EPDR1: variants seen among roughly 807,000 people sequenced by gnomAD.
EPDR1 encodes mammalian ependymin-related protein 1.
In EPDR1, 27 loss-of-function variants were observed where a neutral mutation model predicts 23.7. The observed-to-expected ratio is 1.14, with a 90% CI of 0.84 to 1.57. EPDR1 has a LOEUF of 1.57. Among genes scored for constraint, EPDR1 ranks in the 40% most tolerant of loss-of-function variants. The pLI, the probability that EPDR1 is intolerant of heterozygous loss-of-function variation, is 0.00. For synonymous variants in EPDR1, 137 were observed against 118.2 expected, an observed-to-expected ratio of 1.16 and a Z score of -1.03; for missense variants, 349 against 290.4, an observed-to-expected ratio of 1.20 and a Z score of -1.47.
chr7:37,940,572 G>A (rs1487874616), intron 1 of EPDR1, among the ~76,000 whole-genome samples: 1 of 152,014 alleles, frequency 6.6e-6, no homozygotes, highest in East Asian at 1.9e-4. Context: ...AAGGATAAGA[G>A]GAACTACAAT....
chr7:37,927,855 T>C (rs1785849824), intron 1 of EPDR1, among the ~76,000 whole-genome samples: 1 of 152,232 alleles, frequency 6.6e-6, no homozygotes, highest in African/African-American at 2.4e-5. Context: ...TATTCTTTTG[T>C]GAGCTGAGGA....
chr7:37,941,123 A>C (rs1223069193), intron 1 of EPDR1, among the ~76,000 whole-genome samples: 1 of 152,218 alleles, frequency 6.6e-6, no homozygotes, highest in East Asian at 1.9e-4. Context: ...AATGACTTTA[A>C]TTGTTTGTCA....
intron 1 of EPDR1, among the ~76,000 whole-genome samples, chr7:37,936,415 G>T (rs1786054951): frequency 6.6e-6 from 1 of 151,958 alleles, no homozygotes; most frequent in Non-Finnish European, 1.5e-5. Context: ...CAGGAAGAAG[G>T]CAAGGATGCC....
At chr7:37,945,626 A>T (rs1272393727) in intron 1 of EPDR1, among the ~76,000 whole-genome samples, 1 of 152,134 alleles carries the variant, frequency 6.6e-6, no homozygotes, top group African/African-American at 2.4e-5. Flanking sequence ...TGCATTACTC[A>T]CATGTCTGGG....
At chr7:37,948,342 A>ATTTTT (rs56967310) in intron 1 of EPDR1, among the ~76,000 whole-genome samples, 1 of 135,608 alleles carries the variant, frequency 7.4e-6, no homozygotes. Flanking sequence ...TTTGACCTCA[A>ATTTTT]TTTTTTTTTT....
chr7:37,946,270 T>A (rs1786272949), intron 1 of EPDR1, among the ~76,000 whole-genome samples: 1 of 152,218 alleles, frequency 6.6e-6, no homozygotes, highest in South Asian at 2.1e-4. Context: ...GGTGGGTTGA[T>A]GGTATTTCTG....
chr7:37,932,789 G>A (rs992652939), intron 1 of EPDR1, among the ~76,000 whole-genome samples: 2 of 152,142 alleles, frequency 1.3e-5, no homozygotes, highest in African/African-American at 4.8e-5. Context: ...AACTCAGCCT[G>A]CACTACTGTC....
rs35409374 is a variant in EPDR1, at chr7:37,932,911, CT to C, written c.269+11709del. Among the ~76,000 whole-genome samples the C allele has an allele frequency of 2.7e-4, 41 of 152,312 alleles. No individual in the cohort carries two copies. In the East Asian group the frequency reaches 6.9e-3, roughly 26 times the overall value. On this transcript the variant is annotated intron_variant, in intron 1 of 2. Coordinates refer to ENST00000199448, the MANE Select transcript of EPDR1 (RefSeq NM_017549.5). ...AAAAAGCTCTTCAATTTCTCAAGCACTTTTTTCATCTTTTGAACTGGAATCC... is the reference window on the plus strand; with the variant it reads ...AAAAAGCTCTTCAATTTCTCAAGCACTTTTTCATCTTTTGAACTGGAATCC...
chr7:37,947,536 A>G (rs1223945196), intron 1 of EPDR1, among the ~76,000 whole-genome samples: 1 of 152,240 alleles, frequency 6.6e-6, no homozygotes, highest in South Asian at 2.1e-4. Flanking sequence ...GCTGGAGAGC[A>G]AATGTCTTCC....
Position 37,924,809 on chromosome 7 carries a change from A to G in EPDR1, c.269+3601A>G, listed in dbSNP as rs535968400. On this transcript the variant is annotated intron_variant, in intron 1 of 2. Transcript: ENST00000199448. The stretch of plus-strand genomic sequence containing the variant: ...TTGGAACAAACTCAGAAACTTTTTC[A>G]GGTATTAACAGTCTGGCCAAGCAAC... Among the ~76,000 whole-genome samples, 60 of 152,344 alleles carry G rather than the reference A, an allele frequency of 3.9e-4. 1 individual carries two copies. The highest frequency in any genetic ancestry group is 3.4e-3 in the Middle Eastern group (1 of 294).
intron 1 of EPDR1, among the ~76,000 whole-genome samples, chr7:37,940,852 A>C (rs1475132041): frequency 6.6e-6 from 1 of 152,044 alleles, no homozygotes; most frequent in Non-Finnish European, 1.5e-5. Flanking sequence ...AAGCAATGTC[A>C]TCTCAATGGC....
chr7:37,926,480 A>AT (rs2132000557), intron 1 of EPDR1, among the ~76,000 whole-genome samples: 1 of 42,238 alleles, frequency 2.4e-5, no homozygotes, highest in East Asian at 4.8e-4. Flanking sequence ...CTTCATAGCA[A>AT]AAAAAAAAAA....
rs752536687 is a variant in EPDR1, at chr7:37,935,993, C to CAT, written c.270-12801_270-12800dup. ...TGATTTGGGAACTAGCAAATCATGGCATATATATATATATATATATATATA... is the reference window on the plus strand; with the variant it reads ...TGATTTGGGAACTAGCAAATCATGGCATATATATATATATATATATATATATA... On this transcript the variant is annotated intron_variant, in intron 1 of 2. Coordinates refer to ENST00000199448, the MANE Select transcript of EPDR1 (RefSeq NM_017549.5). Among the ~76,000 whole-genome samples the CAT allele has an allele frequency of 2.3e-3, 107 of 45,570 alleles. 4 individuals carry two copies. The highest frequency in any genetic ancestry group is 2.8e-3 in the African/African-American group (40 of 14,102). 29.9% of individuals were successfully genotyped at this position (45,570 alleles called of 152,430 possible). A position where few individuals can be genotyped will look rare whatever the true frequency, so the allele number is the denominator to read the frequency against.
Position 37,950,344 on chromosome 7 carries a change from G to A in EPDR1, c.623G>A (p.Ser208Asn). Reference sequence around the variant, plus strand: ...GACCCCTCGGTGTTTACCCCTCCAAGCACGTGCCAGATGGCCCAACTGGAG... The same window carrying A: ...GACCCCTCGGTGTTTACCCCTCCAAACACGTGCCAGATGGCCCAACTGGAG... Reference protein sequence around the residue: ...IKDPSVFTPPSTCQMAQLEKM... With the variant: ...IKDPSVFTPPNTCQMAQLEKM... The change falls in exon 3 of 3, where the codon AGC becomes AAC. Residue 208 changes from serine (S) to asparagine (N), a missense_variant. Transcript: ENST00000199448. 1 of 1,613,872 alleles carries A rather than the reference G, an allele frequency of 6.2e-7. No individual in the cohort carries two copies. The highest frequency in any genetic ancestry group is 8.5e-7 in the Non-Finnish European group (1 of 1,179,916).
chr7:37,950,171 T>C (rs745677612), intron 2 of EPDR1, 29 bp from the exon 3 acceptor site: 25 of 1,538,256 alleles, frequency 1.6e-5, no homozygotes, highest in Admixed American at 5.4e-5. Context: ...GTCTTCTTTA[T>C]TTAAAAGTCA....
At position 37,940,533 on chromosome 7, in the gene EPDR1, T is replaced by A. The variant is rs1786149632; in HGVS notation, c.270-8307T>A. Among the ~76,000 whole-genome samples, 3 of 152,292 alleles carry A rather than the reference T, an allele frequency of 2.0e-5. No homozygotes were observed. The South Asian group carries it at 6.2e-4, about 32-fold the overall frequency. ...TCTAAGTAAATTTTTGACACAATAC[T>A]GACTCTCGATACTAGGGAATTATAT... On this transcript the variant is annotated intron_variant, in intron 1 of 2. Coordinates refer to ENST00000199448, the MANE Select transcript of EPDR1 (RefSeq NM_017549.5).
At chr7:37,932,230 T>C (rs896721006) in intron 1 of EPDR1, among the ~76,000 whole-genome samples, 1 of 152,190 alleles carries the variant, frequency 6.6e-6, no homozygotes, top group Non-Finnish European at 1.5e-5. Context: ...TTTGTTGTTG[T>C]TGTTGTTTTT....
At chr7:37,933,159 T>C (rs1785977458) in intron 1 of EPDR1, among the ~76,000 whole-genome samples, 1 of 152,280 alleles carries the variant, frequency 6.6e-6, no homozygotes, top group South Asian at 2.1e-4. Flanking sequence ...TCAAACTTAG[T>C]ATACGCCAGC....
chr7:37,947,597 G>A (rs1346065714), intron 1 of EPDR1, among the ~76,000 whole-genome samples: 1 of 152,108 alleles, frequency 6.6e-6, no homozygotes, highest in Non-Finnish European at 1.5e-5. Context: ...ATAATTTGTT[G>A]GCTATTTTTA....
Sources: gnomAD v4.1 joint callset for allele counts (sites outside exome capture counted in the v4.1 genomes callset) on GRCh38, gnomAD v4.1.1 for gene constraint, MANE v1.5 for transcripts, NCBI Gene and HGNC (gene_info 2026-07-23, HGNC 2026-07-21) for gene names.